UNC45A: variants seen among roughly 807,000 people sequenced by gnomAD.
UNC45A encodes protein unc-45 homolog A.
A neutral mutation model predicts 103.2 loss-of-function variants in UNC45A; 78 were observed. That is an observed-to-expected ratio of 0.76 (90% CI 0.63 to 0.91). UNC45A has a LOEUF of 0.91. Ranked by LOEUF, UNC45A falls within the 40% of genes least tolerant of loss-of-function variation. The pLI is 0.00. For synonymous variants in UNC45A, 495 were observed against 504.6 expected, an observed-to-expected ratio of 0.98 and a Z score of 0.25; for missense variants, 1,193 against 1,224.8, an observed-to-expected ratio of 0.97 and a Z score of 0.39.
chr15:90,943,791 C>G (rs953362990), intron 8 of UNC45A, among the ~76,000 whole-genome samples: 1 of 151,700 alleles, frequency 6.6e-6, no homozygotes, highest in African/African-American at 2.4e-5. Flanking sequence ...CGGGTTCAAG[C>G]AAATCTCCTG....
upstream of UNC45A, chr15:90,931,678 C>T (rs1342364401): frequency 1.2e-6 from 2 of 1,613,866 alleles, no homozygotes; most frequent in Non-Finnish European, 8.5e-7. Flanking sequence ...CCTCCCTTTT[C>T]CCTTACAGCC....
At chr15:90,943,693 A>T (rs1567154113) in intron 8 of UNC45A, among the ~76,000 whole-genome samples, 2 of 144,618 alleles carry the variant, frequency 1.4e-5, no homozygotes, top group African/African-American at 5.1e-5. Context: ...AGCTTTCTGT[A>T]TTTTTTTTTT....
rs1333382088 is a variant in UNC45A at position 90,953,275 on chromosome 15, A to T, written c.2542A>T (p.Met848Leu). The change falls in exon 19 of 20, where the codon ATG (methionine) becomes TTG (leucine). Residue 848 changes from methionine to leucine, a missense_variant. Transcript: ENST00000418476. The part of the protein sequence containing the change: ...AAGGLAMLTS[M>L]RPTLCSRIPQ... ...CGGGGGCTTGGCCATGCTTACCTCC[A>T]TGCGGCCCACGCTCTGCAGCCGCAT... 1 of 1,612,846 alleles carries T rather than the reference A, an allele frequency of 6.2e-7. No homozygotes were observed. Among genetic ancestry groups the T allele is most frequent in the East Asian group, 2.2e-5 (1 of 44,876 alleles).
rs1411499783 is a variant in UNC45A at position 90,953,252 on chromosome 15, G to C, written c.2519G>C (p.Gly840Ala). Residue 840 changes from glycine to alanine, a missense_variant, in exon 19 of 20, where the codon GGG (glycine) becomes GCG (alanine). Coordinates refer to ENST00000418476, the MANE Select transcript of UNC45A (RefSeq NM_018671.5). ...GAGCTGCTACAGCGGGCAGCTGCCGGGGGCTTGGCCATGCTTACCTCCATG... is the reference window on the plus strand; with the variant it reads ...GAGCTGCTACAGCGGGCAGCTGCCGCGGGCTTGGCCATGCTTACCTCCATG... ...DDELLQRAAA[G>A]GLAMLTSMRP... 4.3e-6 allele frequency: 7 copies of C among 1,613,654 alleles called. No individual in the cohort carries two copies. Among genetic ancestry groups the C allele is most frequent in the East Asian group, 2.2e-5 (1 of 44,892 alleles).
rs775169459 is a variant in UNC45A at position 90,953,344 on chromosome 15, G to A, written c.2577+34G>A. 24 of 1,595,656 alleles carry A rather than the reference G, an allele frequency of 1.5e-5. No individual in the cohort carries two copies. The East Asian group carries it at 3.8e-4, about 25-fold the overall frequency. ...CTCTTCTCAGTGGGGGAGGAGGGAC[G>A]GACCAGGAACTCCCAGCAGCAGCTG... is the stretch of plus-strand genomic sequence containing the variant. On this transcript the variant is annotated intron_variant, in intron 19 of 19. Transcript: ENST00000418476.
Position 90,940,480 on chromosome 15 carries a change from GGAGTGGA to G in UNC45A, c.687+11_687+17del. The G allele has an allele frequency of 1.2e-6, 2 of 1,607,624 alleles. No individual in the cohort carries two copies. Among genetic ancestry groups the G allele is most frequent in the Non-Finnish European group, 1.7e-6 (2 of 1,175,574 alleles). ...CTCTGAGCATCAGTCACGGGTAGGT[GGAGTGGA>G]GAGGCTGGTTACAGCTTCAGTCCCT... On this transcript the variant is annotated splice_region_variant and intron_variant, in intron 6 of 19. Coordinates refer to ENST00000418476, the MANE Select transcript of UNC45A (RefSeq NM_018671.5).
upstream of UNC45A, chr15:90,932,042 G>A (rs369274774): frequency 5.0e-6 from 8 of 1,613,844 alleles, no homozygotes; most frequent in Non-Finnish European, 6.8e-6. Context: ...TGGCAGAGAA[G>A]GGGGAAAGTT....
Position 90,953,760 on chromosome 15 carries a change from T to C in UNC45A, c.*44T>C. The C allele has an allele frequency of 6.3e-7, 1 of 1,594,414 alleles. No homozygotes were observed. The highest frequency in any genetic ancestry group is 8.6e-7 in the Non-Finnish European group (1 of 1,168,422). On this transcript the variant is annotated 3_prime_UTR_variant, in exon 20 of 20. Coordinates refer to ENST00000418476, the MANE Select transcript of UNC45A (RefSeq NM_018671.5). ...CAAGGCTCATGCACACGCTACCTAT[T>C]GTGGCACGGAGAGTAAGGACGGAAG...
Position 90,946,696 on chromosome 15 carries a change from G to T in UNC45A, c.1282G>T (p.Ala428Ser), listed in dbSNP as rs144101058. The change falls in exon 10 of 20, where the codon GCT (alanine) becomes TCT (serine). Residue 428 changes from alanine (A) to serine (S), a missense_variant. Ala to Ser is a moderately conservative substitution (Grantham distance 99). Transcript: ENST00000418476. ...VSCLLQGPCD[A>S]GNRALELSGV... ...CTGCCTCCTGCAGGGCCCATGTGAC[G>T]CTGGCAACCGGGCCTTGGAGCTGAG... is the stretch of plus-strand genomic sequence containing the variant. 3 of 1,612,802 alleles carry T rather than the reference G, an allele frequency of 1.9e-6. No homozygotes were observed. Among genetic ancestry groups the T allele is most frequent in the Non-Finnish European group, 2.5e-6 (3 of 1,179,998 alleles).
rs1240541886 is a variant in UNC45A at position 90,953,469 on chromosome 15, G to C, written c.2588G>C (p.Trp863Ser). 1 of 1,613,718 alleles carries C rather than the reference G, an allele frequency of 6.2e-7. No individual in the cohort carries two copies. The highest frequency in any genetic ancestry group is 1.3e-5 in the African/African-American group (1 of 75,052). Residue 863 changes from tryptophan to serine, a missense_variant, in exon 20 of 20, where the codon TGG becomes TCG. Trp to Ser is a radical substitution (Grantham distance 177, BLOSUM62 -3). Coordinates refer to ENST00000418476, the MANE Select transcript of UNC45A (RefSeq NM_018671.5). ...CSRIPQVTTHWLEILQALLLS... is the reference protein window; with the variant it reads ...CSRIPQVTTHSLEILQALLLS... ...CTGTTTTTCTCACAGACCACACACT[G>C]GCTGGAGATCCTGCAGGCCCTGCTT...
intron 19 of UNC45A, 41 bp from the exon 20 acceptor site, chr15:90,953,418 C>T (rs760727128): frequency 6.2e-7 from 1 of 1,607,170 alleles, no homozygotes; most frequent in Non-Finnish European, 8.5e-7. Context: ...CAAGGTTGAG[C>T]CTGTTGCCCA....
At position 90,939,793 on chromosome 15, in the gene UNC45A, A is replaced by G; in HGVS notation, c.489A>G (p.Pro163=). Residue 163 remains proline (P), a synonymous_variant, in exon 5 of 20, where the codon CCA becomes CCG. Transcript: ENST00000418476. The part of the protein sequence containing the change: ...VEQMFQILLD[P]EEKGTEKKQK... The stretch of plus-strand genomic sequence containing the variant: ...AGATGTTTCAGATACTGTTGGACCC[A>G]GAAGAGAAGGGCACTGAGAAAAAGC... 6.2e-7 allele frequency: 1 copy of G among 1,614,212 alleles called. No homozygotes were observed. Among genetic ancestry groups the G allele is most frequent in the Non-Finnish European group, 8.5e-7 (1 of 1,180,048 alleles).
At position 90,953,203 on chromosome 15, in the gene UNC45A, G is replaced by T. The variant is rs756349821; in HGVS notation, c.2470G>T (p.Val824Leu). The change falls in exon 19 of 20, where the codon GTG becomes TTG. Residue 824 changes from valine to leucine, a missense_variant. Coordinates refer to ENST00000418476, the MANE Select transcript of UNC45A (RefSeq NM_018671.5). ...GGGCAATGACCGACTGAAGCTGCTG[G>T]TGCTGTACAGTGGAGAGGATGATGA... is the stretch of plus-strand genomic sequence containing the variant. ...AQGNDRLKLL[V>L]LYSGEDDELL... 6.2e-7 allele frequency: 1 copy of T among 1,613,944 alleles called. No homozygotes were observed.
chr15:90,939,683 C>T (rs1175070118), intron 4 of UNC45A, 48 bp from the exon 5 acceptor site: 1 of 1,600,660 alleles, frequency 6.2e-7, no homozygotes, highest in Non-Finnish European at 8.6e-7. Flanking sequence ...AGTGTGATGT[C>T]TCTGGCCAAG....
intron 5 of UNC45A, 132 bp downstream of exon 5, chr15:90,939,955 G>A: frequency 1.2e-6 from 1 of 805,466 alleles, no homozygotes; most frequent in Non-Finnish European, 2.0e-6. Flanking sequence ...CTGGATGGGA[G>A]CTCTGAGGGT....
upstream of UNC45A, chr15:90,931,703 C>T (rs772563160): frequency 8.7e-6 from 14 of 1,613,910 alleles, no homozygotes; most frequent in South Asian, 3.3e-5. Context: ...CGAAAGCGTA[C>T]CCTCTGGGGT....
chr15:90,940,510 C>T, intron 6 of UNC45A, 37 bp downstream of exon 6: 1 of 1,582,908 alleles, frequency 6.3e-7, no homozygotes, highest in South Asian at 1.1e-5. Flanking sequence ...AGCTTCAGTC[C>T]CTTTGTCTGT....
At chr15:90,945,855 A>G (rs1403748929) in intron 9 of UNC45A, among the ~76,000 whole-genome samples, 5 of 147,060 alleles carry the variant, frequency 3.4e-5, no homozygotes, top group Non-Finnish European at 7.5e-5. Flanking sequence ...CTGGTCTCGA[A>G]CTCCTGACCT....
At chr15:90,931,580 T>C (rs754606855), upstream of UNC45A, 1 of 1,614,012 alleles carries the variant, frequency 6.2e-7, no homozygotes, top group Admixed American at 1.7e-5. Flanking sequence ...GATCAAAGAG[T>C]GGTCCAGTAG....
Sources: allele counts gnomAD v4.1 joint callset (sites outside exome capture counted in the v4.1 genomes callset), GRCh38; gene constraint gnomAD v4.1.1; transcripts MANE v1.5; gene names NCBI Gene and HGNC (gene_info 2026-07-23, HGNC 2026-07-21).